Variants in CNTLN observed in about 807,000 individuals in gnomAD.
The protein encoded by CNTLN is centlein.
CNTLN carries 212 observed loss-of-function variants against 180.0 expected under a neutral mutation model. The observed-to-expected ratio is 1.18, with a 90% CI of 1.05 to 1.32. The LOEUF (loss-of-function observed/expected upper bound fraction) is 1.32, where lower values mean the gene tolerates loss of function less well. Among genes scored for constraint, CNTLN ranks in the 40% most tolerant of loss-of-function variants. CNTLN has a pLI of 0.00. For synonymous variants in CNTLN, 722 were observed against 563.1 expected, an observed-to-expected ratio of 1.28 and a Z score of -3.99; for missense variants, 2,095 against 1,610.9, an observed-to-expected ratio of 1.30 and a Z score of -5.14.
At chr9:17,267,415 G>A (rs34768018) in intron 5 of CNTLN, among the ~76,000 whole-genome samples, 8 of 152,042 alleles carry the variant, frequency 5.3e-5, no homozygotes, top group Admixed American at 3.3e-4. Flanking sequence ...TCCGCTGTTC[G>A]TCTGATGGGC....
At chr9:17,385,780 T>C (rs1465005444) in intron 13 of CNTLN, among the ~76,000 whole-genome samples, 1 of 152,192 alleles carries the variant, frequency 6.6e-6, no homozygotes, top group Non-Finnish European at 1.5e-5. Context: ...TTATAAGTAA[T>C]ATAGAGATTA....
chr9:17,325,521 T>A (rs914416843), intron 8 of CNTLN, among the ~76,000 whole-genome samples: 7 of 146,754 alleles, frequency 4.8e-5, no homozygotes, highest in Admixed American at 2.8e-4. Flanking sequence ...TACGTGTATG[T>A]TAGATATGTT....
At chr9:17,190,392 T>C (rs904851960) in intron 2 of CNTLN, among the ~76,000 whole-genome samples, 1 of 152,010 alleles carries the variant, frequency 6.6e-6, no homozygotes, top group African/African-American at 2.4e-5. Flanking sequence ...TTAATACATA[T>C]ATTGCATTGT....
At chr9:17,423,775 G>T (rs980245828) in intron 18 of CNTLN, among the ~76,000 whole-genome samples, 1 of 152,104 alleles carries the variant, frequency 6.6e-6, no homozygotes, top group Non-Finnish European at 1.5e-5. Flanking sequence ...CCTTCTCTGG[G>T]CACCAGCAGA....
chr9:17,412,538 A>G (rs1827930444), intron 16 of CNTLN, among the ~76,000 whole-genome samples: 1 of 152,172 alleles, frequency 6.6e-6, no homozygotes, highest in Non-Finnish European at 1.5e-5. Flanking sequence ...TACCCATACA[A>G]TGGTTTTTTT....
chr9:17,507,029 G>A (rs1470385949), downstream of CNTLN, among the ~76,000 whole-genome samples: 1 of 152,100 alleles, frequency 6.6e-6, no homozygotes, highest in Non-Finnish European at 1.5e-5. Context: ...GGGTACGTGT[G>A]TAGGTTTGCT....
chr9:17,334,346 C>A (rs1054598652), intron 10 of CNTLN, among the ~76,000 whole-genome samples: 1 of 152,026 alleles, frequency 6.6e-6, no homozygotes, highest in Admixed American at 6.6e-5. Context: ...AGGCGCGAGC[C>A]GCTGCTCCTG....
At chr9:17,473,103 G>A (rs77128329) in intron 23 of CNTLN, among the ~76,000 whole-genome samples, 4,115 of 152,204 alleles carry the variant, frequency 0.027, 90 homozygotes, top group South Asian at 0.1. Flanking sequence ...ACCCAAGGAA[G>A]TGAATGTGAT....
At chr9:17,317,227 C>T (rs1207538230) in intron 8 of CNTLN, among the ~76,000 whole-genome samples, 1 of 151,994 alleles carries the variant, frequency 6.6e-6, no homozygotes, top group Non-Finnish European at 1.5e-5. Context: ...GAATAAGAAT[C>T]TTTGTGTAGC....
At chr9:17,416,474 C>T (rs1227197416) in intron 18 of CNTLN, among the ~76,000 whole-genome samples, 1 of 152,120 alleles carries the variant, frequency 6.6e-6, no homozygotes, top group Non-Finnish European at 1.5e-5. Context: ...TTTACATATT[C>T]TGTATTGTGT....
intron 16 of CNTLN, among the ~76,000 whole-genome samples, chr9:17,414,279 C>T (rs773590918): frequency 2.6e-5 from 4 of 152,072 alleles, no homozygotes; most frequent in Non-Finnish European, 5.9e-5. Context: ...GTATTTTTTG[C>T]CATGTTAGAA....
intron 25 of CNTLN, among the ~76,000 whole-genome samples, chr9:17,489,492 G>C (rs991381221): frequency 6.6e-6 from 1 of 151,900 alleles, no homozygotes; most frequent in African/African-American, 2.4e-5. Flanking sequence ...ATCAAATCCT[G>C]AGATTATCAG....
chr9:17,289,812 G>C (rs1226533629), intron 6 of CNTLN, among the ~76,000 whole-genome samples: 2 of 141,184 alleles, frequency 1.4e-5, no homozygotes, highest in African/African-American at 2.8e-5. Context: ...GGCTCCTGAG[G>C]CTTCTGCATT....
intron 25 of CNTLN, among the ~76,000 whole-genome samples, chr9:17,497,258 G>T (rs1833506298): frequency 6.6e-6 from 1 of 152,162 alleles, no homozygotes. Context: ...TGAGGAGCCA[G>T]TGACAAGGGT....
At chr9:17,216,705 A>G (rs1216016976) in intron 2 of CNTLN, among the ~76,000 whole-genome samples, 1 of 152,170 alleles carries the variant, frequency 6.6e-6, no homozygotes, top group Admixed American at 6.5e-5. Flanking sequence ...ATATTCTCTC[A>G]CTACTGGGAC....
chr9:17,460,627 A>G (rs1470596336), intron 19 of CNTLN, among the ~76,000 whole-genome samples: 3 of 151,772 alleles, frequency 2.0e-5, no homozygotes, highest in African/African-American at 7.2e-5. Flanking sequence ...AGATTTAGAG[A>G]TCTTGGCCAA....
At chr9:17,435,291 C>T (rs552250317) in intron 18 of CNTLN, among the ~76,000 whole-genome samples, 2 of 152,254 alleles carry the variant, frequency 1.3e-5, no homozygotes, top group South Asian at 4.2e-4. Flanking sequence ...GTCTCATCTG[C>T]TTTATAGTTT....
At chr9:17,474,926 C>G (rs1161928768) in intron 23 of CNTLN, among the ~76,000 whole-genome samples, 2 of 151,626 alleles carry the variant, frequency 1.3e-5, no homozygotes, top group African/African-American at 4.8e-5. Context: ...CCTGGCATGA[C>G]TCCTTATTAC....
the CNTLN span, among the ~76,000 whole-genome samples, chr9:17,516,202 C>T: frequency 2.6e-5 from 4 of 152,170 alleles, no homozygotes; most frequent in Non-Finnish European, 5.9e-5. Flanking sequence ...TTTCACATTG[C>T]ACTCTCTACC....
Sources: allele counts gnomAD v4.1 joint callset (sites outside exome capture counted in the v4.1 genomes callset), GRCh38; gene constraint gnomAD v4.1.1; transcripts MANE v1.5; gene names NCBI Gene and HGNC (gene_info 2026-07-23, HGNC 2026-07-21).